The following MCTP2 variants were observed in gnomAD, a reference collection of about 807,000 sequenced individuals.
MCTP2 encodes multiple C2 and transmembrane domain containing 2, also known as multiple C2 and transmembrane domain-containing protein 2.
Under a neutral mutation model 111.6 loss-of-function variants are expected in MCTP2, and 132 were observed. The observed-to-expected ratio is 1.18, with a 90% CI of 1.03 to 1.37. The LOEUF (loss-of-function observed/expected upper bound fraction) is 1.37, where lower values mean the gene tolerates loss of function less well. Ranked by LOEUF, MCTP2 falls within the 40% of genes most tolerant of loss-of-function variation. The pLI, the probability that MCTP2 is intolerant of heterozygous loss-of-function variation, is 0.00. For missense variants in MCTP2, 1,183 were observed against 1,067.9 expected (o/e 1.11, Z -1.50); for synonymous variants, 395 against 387.7 (o/e 1.02, Z -0.22).
At chr15:94,338,950 T>C (rs939008665) in intron 4 of MCTP2, among the ~76,000 whole-genome samples, 12 of 152,176 alleles carry the variant, frequency 7.9e-5, no homozygotes, top group Admixed American at 3.9e-4. Context: ...CTGCAGTTCC[T>C]AGGAGAGGGT....
intron 8 of MCTP2, among the ~76,000 whole-genome samples, chr15:94,353,502 C>T (rs945796872): frequency 3.3e-5 from 5 of 152,154 alleles, no homozygotes; most frequent in African/African-American, 1.2e-4. Context: ...TTAGGACATA[C>T]CAAGCCGCAA....
intron 17 of MCTP2, among the ~76,000 whole-genome samples, chr15:94,409,583 G>A (rs1287315215): frequency 2.0e-5 from 3 of 152,006 alleles, no homozygotes; most frequent in African/African-American, 7.3e-5. Context: ...ACCCTACTGA[G>A]CTTGATCCAG....
chr15:94,455,618 G>C (rs1199864390), intron 19 of MCTP2, among the ~76,000 whole-genome samples: 37 of 148,660 alleles, frequency 2.5e-4, no homozygotes, highest in Admixed American at 2.5e-3. Flanking sequence ...GTAGAGACTG[G>C]GCTTCACCAT....
In MCTP2 at chr15:94,437,650, A is replaced by C. The variant is rs543207309; in HGVS notation, c.2086-2526A>C. ...AAATTAATTCTGAAATACACGTGGA[A>C]GAGTAAAGGGTGAAAAAATATCCAA... On this transcript the variant is annotated intron_variant, in intron 17 of 22. Coordinates refer to ENST00000357742, the MANE Select transcript of MCTP2 (RefSeq NM_001385001.1). 7.9e-5 allele frequency among the ~76,000 whole-genome samples: 12 copies of C among 152,228 alleles called. No individual in the cohort carries two copies. In the East Asian group the frequency reaches 2.3e-3, roughly 29 times the overall value.
Position 94,236,185 on chromosome 15 carries a change from T to G in MCTP2, c.-66+4521T>G. On this transcript the variant is annotated intron_variant, in intron 1 of 22. Transcript: ENST00000357742. ...TTCCTTGTTTAGGAATGCTGGGATT[T>G]GATCTGATTATTAGAGGCCTCTCTT... 1.3e-5 allele frequency among the ~76,000 whole-genome samples: 2 copies of G among 152,030 alleles called. 1 individual carries two copies. Among genetic ancestry groups the G allele is most frequent in the Admixed American group, 1.3e-4 (2 of 15,258 alleles).
intron 12 of MCTP2, among the ~76,000 whole-genome samples, chr15:94,381,264 T>C (rs75681072): frequency 8.3e-4 from 127 of 152,354 alleles, no homozygotes; most frequent in African/African-American, 3.0e-3. Flanking sequence ...AATCAATCCA[T>C]AAAATGTGCA....
rs1018241480 is a variant in MCTP2, at chr15:94,367,456, A to T, written c.1302-149A>T. On this transcript the variant is annotated intron_variant, in intron 10 of 22. Coordinates refer to ENST00000357742, the MANE Select transcript of MCTP2 (RefSeq NM_001385001.1). ...TGTTAGGCTGGGGGTGAGCATTATG[A>T]ATTAGGGCAACCTTTGCTGCTCAAT... is the stretch of plus-strand genomic sequence containing the variant. 5.2e-5 allele frequency: 31 copies of T among 599,784 alleles called. No individual in the cohort carries two copies. The African/African-American group carries it at 5.6e-4, about 11-fold the overall frequency. 37.2% of individuals were successfully genotyped at this position (599,784 alleles called of 1,614,324 possible).
In MCTP2 at chr15:94,408,748, A is replaced by G. The variant is rs1444125230; in HGVS notation, c.2085+6729A>G. Among the ~76,000 whole-genome samples, 3 of 152,268 alleles carry G rather than the reference A, an allele frequency of 2.0e-5. No individual in the cohort carries two copies. In the East Asian group the frequency reaches 5.8e-4, roughly 29 times the overall value. The stretch of plus-strand genomic sequence containing the variant: ...GTGAGTTGTGATTCCAGACAGAATC[A>G]TAGCTAGATCGACTGAAATCACTTA... On this transcript the variant is annotated intron_variant, in intron 17 of 22. Coordinates refer to ENST00000357742, the MANE Select transcript of MCTP2 (RefSeq NM_001385001.1).
At chr15:94,342,904 T>A (rs1235248686) in intron 7 of MCTP2, 1 of 147,836 alleles carries the variant, frequency 6.8e-6, no homozygotes, top group East Asian at 2.0e-4. Flanking sequence ...ATATCCATAT[T>A]TATGTATATG....
At chr15:94,277,113 A>G (rs1596251776) in intron 1 of MCTP2, among the ~76,000 whole-genome samples, 1 of 152,196 alleles carries the variant, frequency 6.6e-6, no homozygotes, top group South Asian at 2.1e-4. Flanking sequence ...ATTAGAATCC[A>G]CATATAAAAG....
At chr15:94,247,929 T>A (rs1039542807) in intron 1 of MCTP2, among the ~76,000 whole-genome samples, 3 of 152,188 alleles carry the variant, frequency 2.0e-5, no homozygotes, top group Non-Finnish European at 2.9e-5. Context: ...CAGGTATTGA[T>A]GTGGACTGGG....
intron 1 of MCTP2, among the ~76,000 whole-genome samples, chr15:94,295,011 G>A (rs1296249415): frequency 7.4e-5 from 9 of 121,232 alleles, no homozygotes; most frequent in Admixed American, 1.1e-4. Flanking sequence ...GTGCAGTGGC[G>A]CAATCTCAGC....
At chr15:94,346,213 CT>C (rs1321200234) in intron 8 of MCTP2, among the ~76,000 whole-genome samples, 1 of 152,094 alleles carries the variant, frequency 6.6e-6, no homozygotes, top group African/African-American at 2.4e-5. Context: ...TCAAATCTTG[CT>C]TTTGAAAATA....
At chr15:94,308,692 C>G (rs911563366) in intron 2 of MCTP2, among the ~76,000 whole-genome samples, 1 of 150,982 alleles carries the variant, frequency 6.6e-6, no homozygotes, top group Non-Finnish European at 1.5e-5. Context: ...AGTTTTAGAG[C>G]ATTTCAACAG....
chr15:94,412,656 T>C (rs1165932657), intron 17 of MCTP2, among the ~76,000 whole-genome samples: 1 of 152,216 alleles, frequency 6.6e-6, no homozygotes, highest in Non-Finnish European at 1.5e-5. Flanking sequence ...TTACATTGTC[T>C]TCTCTTTAAG....
At chr15:94,414,560 C>T (rs192611307) in intron 17 of MCTP2, among the ~76,000 whole-genome samples, 76 of 152,214 alleles carry the variant, frequency 5.0e-4, no homozygotes, top group Admixed American at 3.5e-3. Context: ...TGGAACAGGA[C>T]GTGTTCATCA....
At chr15:94,373,516 G>A (rs1277370155) in intron 12 of MCTP2, among the ~76,000 whole-genome samples, 1 of 152,022 alleles carries the variant, frequency 6.6e-6, no homozygotes, top group Non-Finnish European at 1.5e-5. Flanking sequence ...TTTAAATTAT[G>A]CCTTTTTTAA....
chr15:94,296,518 A>G (rs147624461), intron 1 of MCTP2, among the ~76,000 whole-genome samples: 167 of 152,332 alleles, frequency 1.1e-3, no homozygotes, highest in African/African-American at 4.0e-3. Flanking sequence ...CTTACTGTTA[A>G]ACTCATCTGT....
rs879688298 is a variant in MCTP2, at chr15:94,265,593, C to T, written c.-65-32608C>T. On this transcript the variant is annotated intron_variant, in intron 1 of 22. Coordinates refer to ENST00000357742, the MANE Select transcript of MCTP2 (RefSeq NM_001385001.1). ...TATATAAGATGTACACCACTGTTTG[C>T]GTTGAGATATTAAAAGAAGGATGAC... Among the ~76,000 whole-genome samples the T allele has an allele frequency of 2.4e-4, 36 of 152,138 alleles. 1 individual carries two copies. Among genetic ancestry groups the T allele is most frequent in the African/African-American group, 7.5e-4 (31 of 41,484 alleles).
Sources: gnomAD v4.1 joint callset for allele counts (sites outside exome capture counted in the v4.1 genomes callset) on GRCh38, gnomAD v4.1.1 for gene constraint, MANE v1.5 for transcripts, NCBI Gene and HGNC (gene_info 2026-07-23, HGNC 2026-07-21) for gene names.